Variants in RBFOX1 observed in about 807,000 individuals in gnomAD.
RBFOX1 encodes RNA binding protein fox-1 homolog 1.
A neutral mutation model predicts 57.7 loss-of-function variants in RBFOX1; 8 were observed. That is an observed-to-expected ratio of 0.14 (90% CI 0.08 to 0.25). The LOEUF (loss-of-function observed/expected upper bound fraction) is 0.25, where lower values mean the gene tolerates loss of function less well. RBFOX1 is among the 10% of genes least tolerant of loss of function. The probability of loss-of-function intolerance (pLI) is 1.00; values close to 1 mark genes in which losing one functional copy is unlikely to be tolerated. For missense variants in RBFOX1, 611 were observed against 548.5 expected (o/e 1.11, Z -1.14); for synonymous variants, 326 against 222.4 (o/e 1.47, Z -4.15).
At chr16:7,348,237 C>G (rs1342897233) in intron 4 of RBFOX1, among the ~76,000 whole-genome samples, 1 of 152,214 alleles carries the variant, frequency 6.6e-6, no homozygotes, top group African/African-American at 2.4e-5. Context: ...CCAAAAATGC[C>G]TACTACAAAC....
At chr16:7,519,591 C>A (rs1404197648) in intron 5 of RBFOX1, 7 of 409,544 alleles carry the variant, frequency 1.7e-5, no homozygotes, top group Non-Finnish European at 2.3e-5. Context: ...ATTTGTGTGC[C>A]ACCTAAAGTA....
Position 7,576,539 on chromosome 16 carries a change from T to TC in RBFOX1, c.271-3237dup, listed in dbSNP as rs1178447255. Among the ~76,000 whole-genome samples the TC allele has an allele frequency of 2.0e-5, 3 of 152,326 alleles. No individual in the cohort carries two copies. The East Asian group carries it at 5.8e-4, about 29-fold the overall frequency. ...GGATTCTTTTTAATACACAGGTATTTCTCCATAACAGTTTATACGCATTTG... is the reference window on the plus strand; with the variant it reads ...GGATTCTTTTTAATACACAGGTATTTCCTCCATAACAGTTTATACGCATTTG... On this transcript the variant is annotated intron_variant, in intron 5 of 15. Transcript: ENST00000550418.
At chr16:6,827,652 T>A (rs531497545) in intron 3 of RBFOX1, among the ~76,000 whole-genome samples, 1 of 152,238 alleles carries the variant, frequency 6.6e-6, no homozygotes, top group South Asian at 2.1e-4. Flanking sequence ...TCCTTCCCCC[T>A]CCTCACCCTT....
intron 1 of RBFOX1, among the ~76,000 whole-genome samples, chr16:5,404,298 C>A (rs1159925911): frequency 6.6e-6 from 1 of 152,084 alleles, no homozygotes; most frequent in African/African-American, 2.4e-5. Flanking sequence ...ATTTGCACAC[C>A]TTTTAAAAGA....
chr16:5,649,215 C>T (rs1317389797), intron 3 of RBFOX1, among the ~76,000 whole-genome samples: 20 of 152,084 alleles, frequency 1.3e-4, no homozygotes, highest in Admixed American at 1.3e-3. Context: ...TTCTCTGTCA[C>T]CCAGGTTGGA....
chr16:7,664,921 C>T lies in RBFOX1; in HGVS notation c.891-8C>T. ...TGGATGTTTCTCTTTGTGTGTGCAC[C>T]CTTGCAGTGTTGTTTACCAGGATGG... On this transcript the variant is annotated splice_polypyrimidine_tract_variant and splice_region_variant and intron_variant, in intron 12 of 15. Coordinates refer to ENST00000550418, the MANE Select transcript of RBFOX1 (RefSeq NM_018723.4). 2 of 1,613,754 alleles carry T rather than the reference C, an allele frequency of 1.2e-6. No homozygotes were observed. The highest frequency in any genetic ancestry group is 2.2e-5 in the South Asian group (2 of 91,062).
chr16:5,332,479 G>T (rs1388546503), intron 1 of RBFOX1, among the ~76,000 whole-genome samples: 1 of 152,004 alleles, frequency 6.6e-6, no homozygotes, highest in Admixed American at 6.6e-5. Context: ...GGCCAGGCTG[G>T]TCTTAAACTT....
intron 1 of RBFOX1, among the ~76,000 whole-genome samples, chr16:6,263,313 G>A (rs2152643121): frequency 6.6e-6 from 1 of 152,254 alleles, no homozygotes; most frequent in East Asian, 1.9e-4. Context: ...TTTGAGCATT[G>A]AGAATTCATG....
chr16:7,572,719 G>T (rs1326798975), intron 5 of RBFOX1, among the ~76,000 whole-genome samples: 1 of 152,056 alleles, frequency 6.6e-6, no homozygotes, highest in Non-Finnish European at 1.5e-5. Flanking sequence ...GGCGCCTGTA[G>T]TCACAGCTAC....
In RBFOX1 at chr16:7,584,200, C is replaced by T. The variant is rs1233966646; in HGVS notation, c.415-3047C>T. 1.5e-4 allele frequency among the ~76,000 whole-genome samples: 23 copies of T among 152,164 alleles called. No homozygotes were observed. In the East Asian group the frequency reaches 4.4e-3, roughly 29 times the overall value. Reference sequence around the variant, plus strand: ...TGCTGTATCCATTGAACATCCCTCACAGTTTTTCAGAGAAATATTGTTTGA... The same window carrying T: ...TGCTGTATCCATTGAACATCCCTCATAGTTTTTCAGAGAAATATTGTTTGA... On this transcript the variant is annotated intron_variant, in intron 6 of 15. Coordinates refer to ENST00000550418, the MANE Select transcript of RBFOX1 (RefSeq NM_018723.4).
intron 1 of RBFOX1, among the ~76,000 whole-genome samples, chr16:5,278,167 G>C (rs13331186): frequency 0.32 from 49,325 of 152,038 alleles, 8,024 homozygotes; most frequent in Non-Finnish European, 0.33. Flanking sequence ...GCCAGCATTT[G>C]TTGTGCTTTG....
intron 5 of RBFOX1, among the ~76,000 whole-genome samples, chr16:7,544,422 T>C (rs1430708526): frequency 6.6e-6 from 1 of 152,190 alleles, no homozygotes; most frequent in Non-Finnish European, 1.5e-5. Flanking sequence ...CCTTTGTAGA[T>C]ATAATTAAAT....
At chr16:7,370,982 G>A (rs890434757) in intron 4 of RBFOX1, among the ~76,000 whole-genome samples, 3 of 152,210 alleles carry the variant, frequency 2.0e-5, no homozygotes, top group Non-Finnish European at 4.4e-5. Context: ...TCAGGAAATT[G>A]TAGCATCAGC....
chr16:5,700,396 C>G (rs1427941610), intron 3 of RBFOX1, among the ~76,000 whole-genome samples: 1 of 151,974 alleles, frequency 6.6e-6, no homozygotes, highest in African/African-American at 2.4e-5. Flanking sequence ...GCAGGTGGAT[C>G]TAAAATATTA....
intron 4 of RBFOX1, among the ~76,000 whole-genome samples, chr16:5,963,728 C>T (rs944126319): frequency 2.0e-5 from 3 of 152,084 alleles, no homozygotes; most frequent in African/African-American, 7.2e-5. Context: ...AAATTAGATC[C>T]TTATCTTATA....
At chr16:7,376,173 G>A (rs899899133) in intron 4 of RBFOX1, among the ~76,000 whole-genome samples, 1 of 152,180 alleles carries the variant, frequency 6.6e-6, no homozygotes. Context: ...GAACATATAT[G>A]TTTATGAGCT....
At chr16:7,707,723 C>T (rs2082939999) in intron 14 of RBFOX1, among the ~76,000 whole-genome samples, 1 of 152,150 alleles carries the variant, frequency 6.6e-6, no homozygotes, top group South Asian at 2.1e-4. Context: ...CTTATGTAGG[C>T]ATTAAAAAGC....
chr16:7,244,991 A>G (rs1162239090), intron 4 of RBFOX1, among the ~76,000 whole-genome samples: 1 of 152,218 alleles, frequency 6.6e-6, no homozygotes, highest in Non-Finnish European at 1.5e-5. Context: ...GCCTGCCTTC[A>G]CAGTGCAGCT....
At chr16:6,710,834 A>T (rs887673072) in intron 3 of RBFOX1, among the ~76,000 whole-genome samples, 2 of 152,218 alleles carry the variant, frequency 1.3e-5, no homozygotes, top group Admixed American at 6.5e-5. Context: ...ACTGTAGCAA[A>T]AACAAATTTG....
Sources: gnomAD v4.1 joint callset for allele counts (sites outside exome capture counted in the v4.1 genomes callset) on GRCh38, gnomAD v4.1.1 for gene constraint, MANE v1.5 for transcripts, NCBI Gene and HGNC (gene_info 2026-07-23, HGNC 2026-07-21) for gene names.